EFR3B: variants seen among roughly 807,000 people sequenced by gnomAD.
The protein encoded by EFR3B is EFR3 homolog B.
EFR3B carries 64 observed loss-of-function variants against 104.7 expected under a neutral mutation model. The observed-to-expected ratio is 0.61, with a 90% CI of 0.50 to 0.75. The LOEUF (loss-of-function observed/expected upper bound fraction) is 0.75, where lower values mean the gene tolerates loss of function less well. Ranked by LOEUF, EFR3B falls within the 30% of genes least tolerant of loss-of-function variation. The pLI is 0.00. For synonymous variants in EFR3B, 385 were observed against 417.9 expected (o/e 0.92, Z 0.96); for missense variants, 750 against 1,078.5 (o/e 0.70, Z 4.27).
Position 25,143,615 on chromosome 2 carries a change from G to A in EFR3B, c.1923-120G>A, listed in dbSNP as rs780357350. On this transcript the variant is annotated intron_variant, in intron 17 of 22. Coordinates refer to ENST00000403714, the MANE Select transcript of EFR3B (RefSeq NM_014971.2). ...GCGGAGGTTGCAATGAGCCGAGATC[G>A]CACCACCACACTCCAGCCTGGGCGA... 6.6e-5 allele frequency: 83 copies of A among 1,259,556 alleles called. No individual in the cohort carries two copies. The Middle Eastern group carries it at 9.6e-4, about 15-fold the overall frequency. 78.0% of individuals were successfully genotyped at this position (1,259,556 alleles called of 1,614,324 possible). A position where few individuals can be genotyped will look rare whatever the true frequency, so the allele number is the denominator to read the frequency against.
At chr2:25,119,162 A>G (rs773219638) in intron 4 of EFR3B, among the ~76,000 whole-genome samples, 2 of 152,214 alleles carry the variant, frequency 1.3e-5, no homozygotes, top group Admixed American at 6.5e-5. Context: ...TAGACATAGT[A>G]TATATTTTTG....
In EFR3B at chr2:25,136,001, A is replaced by G. The variant is rs1231602373; in HGVS notation, c.1484+362A>G. ...GGATTTGGGGGGAATAAGAGGAGGA[A>G]GAAAATAATCAGGATGAAGATTTAA... On this transcript the variant is annotated intron_variant, in intron 13 of 22. Transcript: ENST00000403714. This position sits in a 1 kb window ranked among gnomAD's most constrained non-coding sequence, Gnocchi z 4.0. Among the ~76,000 whole-genome samples the G allele has an allele frequency of 6.6e-6, 1 of 152,154 alleles. No homozygotes were observed. Among genetic ancestry groups the G allele is most frequent in the African/African-American group, 2.4e-5 (1 of 41,440 alleles).
rs1390790740 is a variant in EFR3B at position 25,131,593 on chromosome 2, C to A, written c.985+90C>A. ...GAGGCAAGGGACAACAGGGAGGGGT[C>A]GGAGTCCGTTTTCCTCGGGAGAAGT... is the stretch of plus-strand genomic sequence containing the variant. On this transcript the variant is annotated intron_variant, in intron 9 of 22. Coordinates refer to ENST00000403714, the MANE Select transcript of EFR3B (RefSeq NM_014971.2). The surrounding 1 kb of genome is among the most constrained non-coding windows in gnomAD (Gnocchi z 7.6). 4.6e-6 allele frequency: 7 copies of A among 1,513,252 alleles called. No individual in the cohort carries two copies. In the East Asian group the frequency reaches 1.7e-4, roughly 38 times the overall value. The allele number at this position is 1,513,252 out of a possible 1,614,324, so 93.7% of individuals were successfully genotyped here. A position where few individuals can be genotyped will look rare whatever the true frequency, so the allele number is the denominator to read the frequency against.
chr2:25,076,494 C>T lies in EFR3B; in HGVS notation c.8-14831C>T, dbSNP rs550210719. On this transcript the variant is annotated intron_variant, in intron 1 of 22. Coordinates refer to ENST00000403714, the MANE Select transcript of EFR3B (RefSeq NM_014971.2). ...AGTAGATTCCCTTCCTTCCATTTTG[C>T]GGATAAGTAGACCAAGGCACACAAG... is the stretch of plus-strand genomic sequence containing the variant. Among the ~76,000 whole-genome samples, 44 of 152,092 alleles carry T rather than the reference C, an allele frequency of 2.9e-4. No homozygotes were observed. The East Asian group carries it at 8.3e-3, about 29-fold the overall frequency.
At position 25,053,679 on chromosome 2, in the gene EFR3B, C is replaced by T. The variant is rs542400994; in HGVS notation, c.7+11360C>T. On this transcript the variant is annotated intron_variant, in intron 1 of 22. Coordinates refer to ENST00000403714, the MANE Select transcript of EFR3B (RefSeq NM_014971.2). ...AAGCACTTTGGGAGGCTGAGGTGGGCGGATCACGAGGTCAAGAGATTGAGA... is the reference window on the plus strand; with the variant it reads ...AAGCACTTTGGGAGGCTGAGGTGGGTGGATCACGAGGTCAAGAGATTGAGA... Among the ~76,000 whole-genome samples, 352 of 152,216 alleles carry T rather than the reference C, an allele frequency of 2.3e-3. 1 individual carries two copies. Among genetic ancestry groups the T allele is most frequent in the Middle Eastern group, 0.01 (3 of 294 alleles).
In EFR3B at chr2:25,093,799, G is replaced by A. The variant is rs528172138; in HGVS notation, c.212+669G>A. Among the ~76,000 whole-genome samples the A allele has an allele frequency of 9.2e-5, 14 of 152,252 alleles. No individual in the cohort carries two copies. The East Asian group carries it at 2.5e-3, about 27-fold the overall frequency. On this transcript the variant is annotated intron_variant, in intron 3 of 22. Coordinates refer to ENST00000403714, the MANE Select transcript of EFR3B (RefSeq NM_014971.2). ...TCCCACTTACTGTCTTGAAAACAAAGGAGGAGTCATCTACATTCTAGTAAG... is the reference window on the plus strand; with the variant it reads ...TCCCACTTACTGTCTTGAAAACAAAAGAGGAGTCATCTACATTCTAGTAAG...
chr2:25,127,928 C>T (rs1430232603), intron 5 of EFR3B, among the ~76,000 whole-genome samples: 4 of 152,266 alleles, frequency 2.6e-5, no homozygotes, highest in African/African-American at 9.6e-5. Context: ...CATCCAGCAC[C>T]CTAGGGCTGG....
chr2:25,075,762 A>G (rs1668615951), intron 1 of EFR3B, among the ~76,000 whole-genome samples: 1 of 152,220 alleles, frequency 6.6e-6, no homozygotes, highest in Non-Finnish European at 1.5e-5. Flanking sequence ...AACTGTATCA[A>G]CCTCATAGGG....
At position 25,144,968 on chromosome 2, in the gene EFR3B, C is replaced by T. The variant is rs894718994; in HGVS notation, c.2059C>T (p.Arg687Cys). The change falls in exon 19 of 23, where the codon CGT (arginine) becomes TGT (cysteine). Residue 687 changes from arginine (R) to cysteine (C), a missense_variant. Physicochemically the swap from Arg to Cys is radical, Grantham distance 180 (BLOSUM62 -3). Coordinates refer to ENST00000403714, the MANE Select transcript of EFR3B (RefSeq NM_014971.2). ...GGCTGCTTCTTCCCCAGATGAGGAT[C>T]GTTTATCCAAGAGGAGGAGCATTGG... ...PYIPQLTDED[R>C]LSKRRSIGET... 9.7e-6 allele frequency: 15 copies of T among 1,551,522 alleles called. No individual in the cohort carries two copies. The highest frequency in any genetic ancestry group is 1.4e-5 in the African/African-American group (1 of 73,040).
At chr2:25,064,654 G>A (rs946515206) in intron 1 of EFR3B, among the ~76,000 whole-genome samples, 3 of 152,094 alleles carry the variant, frequency 2.0e-5, no homozygotes, top group Non-Finnish European at 2.9e-5. Context: ...TAAAAAAATC[G>A]AATGCCTCGA....
chr2:25,131,217 A>G lies in EFR3B; in HGVS notation c.850-151A>G. The stretch of plus-strand genomic sequence containing the variant: ...TGGAGGGAGAAGGGAAGGATCCAGT[A>G]AAGGGCACGAGGTGTCAGTGCCAAC... On this transcript the variant is annotated intron_variant, in intron 8 of 22. Coordinates refer to ENST00000403714, the MANE Select transcript of EFR3B (RefSeq NM_014971.2). This position sits in a 1 kb window ranked among gnomAD's most constrained non-coding sequence, Gnocchi z 7.6. 1 of 1,054,060 alleles carries G rather than the reference A, an allele frequency of 9.5e-7. No individual in the cohort carries two copies. 65.3% of individuals were successfully genotyped at this position (1,054,060 alleles called of 1,614,324 possible).
In EFR3B at chr2:25,080,782, T is replaced by C. The variant is rs557298599; in HGVS notation, c.8-10543T>C. On this transcript the variant is annotated intron_variant, in intron 1 of 22. Transcript: ENST00000403714. ...GCGTTAGGCTGAATTAGAGTCAAAATTGATCTTTGCATCCATCACAGCACA... is the reference window on the plus strand; with the variant it reads ...GCGTTAGGCTGAATTAGAGTCAAAACTGATCTTTGCATCCATCACAGCACA... 1.9e-4 allele frequency: 240 copies of C among 1,283,578 alleles called. 6 individuals carry two copies. In the South Asian group the frequency reaches 2.8e-3, roughly 15 times the overall value. 79.5% of individuals were successfully genotyped at this position (1,283,578 alleles called of 1,614,324 possible).
At chr2:25,063,973 A>G (rs1045783203) in intron 1 of EFR3B, among the ~76,000 whole-genome samples, 1 of 152,188 alleles carries the variant, frequency 6.6e-6, no homozygotes, top group Non-Finnish European at 1.5e-5. Context: ...CATGCGCGGT[A>G]GAGCTGCTGC....
At chr2:25,056,295 C>T (rs925514649) in intron 1 of EFR3B, among the ~76,000 whole-genome samples, 4 of 152,128 alleles carry the variant, frequency 2.6e-5, no homozygotes, top group Admixed American at 6.6e-5. Flanking sequence ...CGGTTAAGGC[C>T]GTTAGAAGGA....
At chr2:25,101,981 A>G (rs1002641918) in intron 3 of EFR3B, among the ~76,000 whole-genome samples, 1 of 152,266 alleles carries the variant, frequency 6.6e-6, no homozygotes, top group Non-Finnish European at 1.5e-5. Context: ...TGTATGTTTT[A>G]TGATGTAGAC....
chr2:25,059,114 A>AT (rs70947864), intron 1 of EFR3B, among the ~76,000 whole-genome samples: 4,460 of 142,026 alleles, frequency 0.031, 155 homozygotes, highest in African/African-American at 0.087. Context: ...TTCAGTGTTG[A>AT]TTTTTTTTTT....
intron 3 of EFR3B, among the ~76,000 whole-genome samples, chr2:25,094,611 G>A (rs1669228223): frequency 6.6e-6 from 1 of 152,048 alleles, no homozygotes; most frequent in Non-Finnish European, 1.5e-5. Flanking sequence ...ACCAATAGAT[G>A]GCAAAACGGG....
intron 4 of EFR3B, among the ~76,000 whole-genome samples, chr2:25,108,529 A>C (rs1669629234): frequency 6.6e-6 from 1 of 152,188 alleles, no homozygotes; most frequent in Non-Finnish European, 1.5e-5. Context: ...ACCACACACA[A>C]AAATTAACTC....
Position 25,132,944 on chromosome 2 carries a change from G to A in EFR3B, c.1189G>A (p.Val397Met). Residue 397 changes from valine to methionine, a missense_variant, in exon 11 of 23, where the codon GTG (valine) becomes ATG (methionine). Coordinates refer to ENST00000403714, the MANE Select transcript of EFR3B (RefSeq NM_014971.2). ...GCTGCCCACCTACCAGCGCTCCGAG[G>A]TGATCCTCTTCATCATGAGCAAGGT... ...STLPTYQRSEVILFIMSKVPR... is the reference protein window; with the variant it reads ...STLPTYQRSEMILFIMSKVPR... 6.4e-7 allele frequency: 1 copy of A among 1,551,574 alleles called. No individual in the cohort carries two copies. The highest frequency in any genetic ancestry group is 8.7e-7 in the Non-Finnish European group (1 of 1,146,968).
Sources: gnomAD v4.1 joint callset for allele counts (sites outside exome capture counted in the v4.1 genomes callset) on GRCh38, gnomAD v4.1.1 for gene constraint, Gnocchi (gnomAD v3.1) non-coding constraint, MANE v1.5 for transcripts, NCBI Gene and HGNC (gene_info 2026-07-23, HGNC 2026-07-21) for gene names.